The following CACNA2D2 variants were observed in gnomAD, a reference collection of about 807,000 sequenced individuals.
CACNA2D2 encodes the protein voltage-dependent calcium channel subunit alpha-2/delta-2.
In CACNA2D2, 48 loss-of-function variants were observed where a neutral mutation model predicts 166.4. That is an observed-to-expected ratio of 0.29 (90% CI 0.23 to 0.37). The LOEUF (loss-of-function observed/expected upper bound fraction) is 0.37. CACNA2D2 is among the 10% of genes least tolerant of loss of function. The pLI, the probability that CACNA2D2 is intolerant of heterozygous loss-of-function variation, is 1.00. For synonymous variants in CACNA2D2, 561 were observed against 573.7 expected, an observed-to-expected ratio of 0.98 and a Z score of 0.32; for missense variants, 1,122 against 1,433.0, an observed-to-expected ratio of 0.78 and a Z score of 3.50.
At chr3:50,420,817 C>T (rs1237491409) in intron 3 of CACNA2D2, among the ~76,000 whole-genome samples, 5 of 152,218 alleles carry the variant, frequency 3.3e-5, no homozygotes, top group Non-Finnish European at 7.4e-5. Flanking sequence ...TCCTGGCCCC[C>T]TCACCCCTTC....
intron 3 of CACNA2D2, among the ~76,000 whole-genome samples, chr3:50,398,300 A>C (rs1354407803): frequency 2.0e-5 from 3 of 152,020 alleles, no homozygotes; most frequent in East Asian, 3.9e-4. Context: ...CCCTGCTACC[A>C]GGCCCTGCAC....
At chr3:50,396,607 T>C (rs1344510007) in intron 3 of CACNA2D2, among the ~76,000 whole-genome samples, 1 of 152,164 alleles carries the variant, frequency 6.6e-6, no homozygotes, top group Admixed American at 6.5e-5. Context: ...TAGAGGGCAT[T>C]ACTGTGTGAC....
At chr3:50,394,060 G>T in intron 4 of CACNA2D2, 49 bp downstream of exon 4, 1 of 1,556,132 alleles carries the variant, frequency 6.4e-7, no homozygotes, top group Non-Finnish European at 8.9e-7. Flanking sequence ...TCAAATCCAC[G>T]CATGGATGGG....
At chr3:50,409,879 G>T (rs1706911744) in intron 3 of CACNA2D2, among the ~76,000 whole-genome samples, 1 of 152,126 alleles carries the variant, frequency 6.6e-6, no homozygotes, top group Non-Finnish European at 1.5e-5. Flanking sequence ...GACCTGAGAG[G>T]GTCCAAGCTC....
intron 3 of CACNA2D2, among the ~76,000 whole-genome samples, chr3:50,422,865 TG>T (rs1048589291): frequency 1.4e-4 from 21 of 152,298 alleles, no homozygotes; most frequent in African/African-American, 5.1e-4. Context: ...ACTTATGAAG[TG>T]GGTGGGGGGT....
At position 50,367,267 on chromosome 3, in the gene CACNA2D2, G is replaced by A. The variant is rs1038051647; in HGVS notation, c.2401+127C>T. On this transcript the variant is annotated intron_variant, in intron 27 of 37. Coordinates refer to ENST00000424201, the MANE Select transcript of CACNA2D2 (RefSeq NM_006030.4). The surrounding 1 kb of genome is among the most constrained non-coding windows in gnomAD (Gnocchi z 6.5). ...TGGCACAGTCTATCCCTCTTTTCAC[G>A]TCTGCCCTGGCCTCAGCCAGCCTTG... 2.4e-5 allele frequency: 25 copies of A among 1,028,024 alleles called. No homozygotes were observed. Among genetic ancestry groups the A allele is most frequent in the Middle Eastern group, 4.9e-4 (2 of 4,054 alleles). 63.7% of individuals were successfully genotyped at this position (1,028,024 alleles called of 1,614,324 possible).
At position 50,365,264 on chromosome 3, in the gene CACNA2D2, G is replaced by C. The variant is rs1225497180; in HGVS notation, c.3099-80C>G. The C allele has an allele frequency of 3.8e-6, 3 of 798,762 alleles. No individual in the cohort carries two copies. Among genetic ancestry groups the C allele is most frequent in the East Asian group, 6.7e-5 (1 of 15,008 alleles). The allele number at this position is 798,762 out of a possible 1,614,324, so 49.5% of individuals were successfully genotyped here. ...CCATCCTGCGGCCCCGCCCCCGGCC[G>C]CTCGGAGGCCCCGCCCCTTCCATCC... On this transcript the variant is annotated intron_variant, in intron 35 of 37. Coordinates refer to ENST00000424201, the MANE Select transcript of CACNA2D2 (RefSeq NM_006030.4). The surrounding 1 kb of genome is among the most constrained non-coding windows in gnomAD (Gnocchi z 4.5).
chr3:50,381,205 G>A, intron 6 of CACNA2D2, 79 bp from the exon 7 acceptor site: 1 of 1,519,040 alleles, frequency 6.6e-7, no homozygotes, highest in Non-Finnish European at 9.1e-7. Context: ...ACTCATGCCT[G>A]TGCCCCCATT....
rs1169964904 is a variant in CACNA2D2, at chr3:50,429,677, G to C, written c.405+4636C>G. On this transcript the variant is annotated intron_variant, in intron 3 of 37. Coordinates refer to ENST00000424201, the MANE Select transcript of CACNA2D2 (RefSeq NM_006030.4). ...CCCAGCTACTCGGGAGGCTGAGGCG[G>C]AACAATGGCGTGAACCCGGGAGGCG... Among the ~76,000 whole-genome samples, 9 of 150,896 alleles carry C rather than the reference G, an allele frequency of 6.0e-5. No homozygotes were observed. The East Asian group carries it at 1.4e-3, about 23-fold the overall frequency.
chr3:50,378,803 G>T, intron 13 of CACNA2D2, 112 bp downstream of exon 13: 2 of 1,296,998 alleles, frequency 1.5e-6, no homozygotes, highest in Non-Finnish European at 2.2e-6. Flanking sequence ...GAGGCACACT[G>T]TCTTGCAGCG....
At chr3:50,374,669 G>A (rs1704874444) in intron 22 of CACNA2D2, 68 bp downstream of exon 22, 2 of 1,532,982 alleles carry the variant, frequency 1.3e-6, no homozygotes, top group Non-Finnish European at 1.8e-6. Context: ...TGGCTATGCT[G>A]CCTGGGGCCG....
chr3:50,494,009 AG>A (rs759676388), intron 1 of CACNA2D2, among the ~76,000 whole-genome samples: 11 of 152,236 alleles, frequency 7.2e-5, no homozygotes, highest in Non-Finnish European at 1.6e-4. Flanking sequence ...GGGGCTAGCC[AG>A]GGAAGTGGGG....
intron 2 of CACNA2D2, among the ~76,000 whole-genome samples, chr3:50,454,212 G>A (rs1477652558): frequency 2.6e-5 from 4 of 152,248 alleles, no homozygotes; most frequent in African/African-American, 9.6e-5. Context: ...TTGTGTCTGA[G>A]CACTGGGGAG....
chr3:50,382,549 A>G (rs1705373773), intron 6 of CACNA2D2, among the ~76,000 whole-genome samples: 1 of 152,206 alleles, frequency 6.6e-6, no homozygotes, highest in African/African-American at 2.4e-5. Context: ...GCTTCCCGTA[A>G]CTGACCATAA....
At chr3:50,429,850 T>G (rs1013024611) in intron 3 of CACNA2D2, among the ~76,000 whole-genome samples, 1 of 149,740 alleles carries the variant, frequency 6.7e-6, no homozygotes, top group Admixed American at 6.7e-5. Context: ...GCCCCGCCCC[T>G]CCACCCCTGC....
At chr3:50,487,159 T>G (rs187537474) in intron 1 of CACNA2D2, among the ~76,000 whole-genome samples, 14 of 151,958 alleles carry the variant, frequency 9.2e-5, no homozygotes, top group Admixed American at 8.5e-4. Flanking sequence ...GCCATGGCCC[T>G]GTCCCCTAGG....
chr3:50,465,409 C>G (rs1709788802), intron 2 of CACNA2D2, among the ~76,000 whole-genome samples: 1 of 152,150 alleles, frequency 6.6e-6, no homozygotes, highest in Admixed American at 6.5e-5. Flanking sequence ...GCCACTTGAC[C>G]CAGCTTCCGG....
chr3:50,364,714 C>G lies in CACNA2D2; in HGVS notation c.3384G>C (p.Pro1128=), dbSNP rs1379269800. 6.5e-7 allele frequency: 1 copy of G among 1,547,650 alleles called. No individual in the cohort carries two copies. The highest frequency in any genetic ancestry group is 2.4e-5 in the East Asian group (1 of 40,886). The part of the protein sequence containing the change: ...SLQLLLLLGL[P]PRPQPQVLVH... ...CGAGGACTTGAGGCTGCGGCCGGGG[C>G]GGCAGGCCCAGGAGGAGCAGCAGTT... Residue 1128 remains proline (P), a synonymous_variant, in exon 38 of 38, where the codon CCG becomes CCC. Coordinates refer to ENST00000424201, the MANE Select transcript of CACNA2D2 (RefSeq NM_006030.4).
Position 50,476,190 on chromosome 3 carries a change from G to C in CACNA2D2, c.216C>G (p.His72Gln). The C allele has an allele frequency of 1.3e-6, 2 of 1,590,974 alleles. No homozygotes were observed. Among genetic ancestry groups the C allele is most frequent in the Non-Finnish European group, 1.7e-6 (2 of 1,169,666 alleles). ...YSFPQQHTMQ[H>Q]WARRLEQEVD... ...CCTCCTGCTCCAGACGCCGGGCCCAGTGCTGCATCCTGTATGCAGAGAGAG... is the reference window on the plus strand; with the variant it reads ...CCTCCTGCTCCAGACGCCGGGCCCACTGCTGCATCCTGTATGCAGAGAGAG... The change falls in exon 2 of 38, where the codon CAC (histidine) becomes CAG (glutamine). Residue 72 changes from histidine to glutamine, a missense_variant. Around this residue, in one of 2 missense-constraint regions of CACNA2D2, gnomAD observed 840 missense variants for 1,166.8 expected, o/e 0.72. Transcript: ENST00000424201.
Sources: gnomAD v4.1 joint callset for allele counts (sites outside exome capture counted in the v4.1 genomes callset) on GRCh38, gnomAD v4.1.1 for gene constraint, gnomAD v4.1.1 regional missense constraint, Gnocchi (gnomAD v3.1) non-coding constraint, MANE v1.5 for transcripts, NCBI Gene and HGNC (gene_info 2026-07-23, HGNC 2026-07-21) for gene names.